SAMD5: variants seen among roughly 807,000 people sequenced by gnomAD.
The protein encoded by SAMD5 is sterile alpha motif domain-containing protein 5.
A neutral mutation model predicts 11.3 loss-of-function variants in SAMD5; 13 were observed. The observed-to-expected ratio is 1.15, with a 90% confidence interval of 0.75 to 1.83. The LOEUF (loss-of-function observed/expected upper bound fraction) is 1.83, where lower values mean the gene tolerates loss of function less well. Ranked by LOEUF, SAMD5 falls within the 40% of genes most tolerant of loss-of-function variation. The pLI, the probability that SAMD5 is intolerant of heterozygous loss-of-function variation, is 0.00. For synonymous variants in SAMD5, 129 were observed against 111.3 expected (o/e 1.16, Z -1.00); for missense variants, 255 against 239.1 (o/e 1.07, Z -0.44).
chr6:147,522,982 G>A (rs1788277278), intron 1 of SAMD5, among the ~76,000 whole-genome samples: 1 of 152,176 alleles, frequency 6.6e-6, no homozygotes, highest in East Asian at 1.9e-4. Context: ...TCACAGTAAA[G>A]AGGGGCTTTT....
chr6:147,882,566 G>C, the SAMD5 span, among the ~76,000 whole-genome samples: 2 of 152,122 alleles, frequency 1.3e-5, 1 homozygote, highest in African/African-American at 4.8e-5. Context: ...CTCTAACCTG[G>C]GCAACATAGC....
At chr6:147,891,552 A>C in the SAMD5 span, among the ~76,000 whole-genome samples, 2 of 152,132 alleles carry the variant, frequency 1.3e-5, no homozygotes, top group African/African-American at 4.8e-5. Flanking sequence ...GATGAGATTA[A>C]ATGTGTAAGA....
At chr6:147,933,383 C>A in the SAMD5 span, among the ~76,000 whole-genome samples, 1 of 152,256 alleles carries the variant, frequency 6.6e-6, no homozygotes, top group South Asian at 2.1e-4. Context: ...GAGAGACACC[C>A]AATTAAGGAA....
At chr6:147,816,291 A>ATATATATAT in the SAMD5 span, among the ~76,000 whole-genome samples, 2 of 92,454 alleles carry the variant, frequency 2.2e-5, no homozygotes, top group African/African-American at 1.1e-4. Flanking sequence ...CAAAAAAAAA[A>ATATATATAT]AAAAAAAAAA....
chr6:147,516,648 T>G (rs1406156463), intron 1 of SAMD5, among the ~76,000 whole-genome samples: 2 of 152,198 alleles, frequency 1.3e-5, no homozygotes, highest in African/African-American at 4.8e-5. Flanking sequence ...GTCAGGGTCT[T>G]TCACAAAAAC....
the SAMD5 span, among the ~76,000 whole-genome samples, chr6:147,745,522 C>A: frequency 4.0e-5 from 6 of 148,738 alleles, no homozygotes; most frequent in African/African-American, 1.6e-4. Context: ...CTTTGCTCTT[C>A]AGCAGTCTGT....
the SAMD5 span, among the ~76,000 whole-genome samples, chr6:147,937,309 G>T: frequency 3.3e-5 from 5 of 152,124 alleles, no homozygotes; most frequent in African/African-American, 1.2e-4. Flanking sequence ...GAATCATCCA[G>T]AGCTAAGGAA....
At chr6:147,516,332 T>A (rs1788170281) in intron 1 of SAMD5, among the ~76,000 whole-genome samples, 1 of 152,160 alleles carries the variant, frequency 6.6e-6, no homozygotes, top group Non-Finnish European at 1.5e-5. Flanking sequence ...AGAATGGTAC[T>A]GCTTTCTGCT....
chr6:147,526,993 C>G (rs1481540850), intron 1 of SAMD5, among the ~76,000 whole-genome samples: 1 of 152,158 alleles, frequency 6.6e-6, no homozygotes, highest in African/African-American at 2.4e-5. Flanking sequence ...ATTTCTTTCC[C>G]ATTCTCTCTT....
chr6:147,674,869 G>A (rs1266178206), intron 1 of SAMD5, among the ~76,000 whole-genome samples: 1 of 152,178 alleles, frequency 6.6e-6, no homozygotes, highest in East Asian at 1.9e-4. Flanking sequence ...CAGTTCTCAA[G>A]CTAGATTTTT....
At chr6:147,788,528 A>G in the SAMD5 span, among the ~76,000 whole-genome samples, 2 of 152,242 alleles carry the variant, frequency 1.3e-5, no homozygotes, top group Non-Finnish European at 2.9e-5. Context: ...ATAGAAACAC[A>G]TCTGTGCTTG....
At chr6:147,855,469 A>T in the SAMD5 span, among the ~76,000 whole-genome samples, 1 of 152,194 alleles carries the variant, frequency 6.6e-6, no homozygotes, top group Admixed American at 6.5e-5. Flanking sequence ...ACTTTCATGC[A>T]AACTGAAATT....
At chr6:147,880,672 G>A in the SAMD5 span, among the ~76,000 whole-genome samples, 1 of 152,112 alleles carries the variant, frequency 6.6e-6, no homozygotes, top group Admixed American at 6.5e-5. Context: ...CCTTCAGCTC[G>A]TGGGTGGTTT....
chr6:147,585,484 T>C lies in SAMD5; in HGVS notation c.162+76097T>C, dbSNP rs374906029. Among the ~76,000 whole-genome samples, 83 of 152,214 alleles carry C rather than the reference T, an allele frequency of 5.5e-4. 1 individual carries two copies. The highest frequency in any genetic ancestry group is 1.9e-3 in the African/African-American group (80 of 41,540). On this transcript the variant is annotated intron_variant, in intron 1 of 1. Coordinates refer to the SAMD5 transcript ENST00000566741. ...ACTGACTCTTACGAACTCTATGTAA[T>C]GGGCAAGAACTTAGTAATGGGAAGG... is the stretch of plus-strand genomic sequence containing the variant.
At chr6:147,845,086 A>C in the SAMD5 span, among the ~76,000 whole-genome samples, 1 of 152,324 alleles carries the variant, frequency 6.6e-6, no homozygotes, top group Admixed American at 6.5e-5. Context: ...GTATCAAGAC[A>C]TCACATTGTA....
intron 1 of SAMD5, among the ~76,000 whole-genome samples, chr6:147,586,106 A>C (rs1189153374): frequency 6.6e-6 from 1 of 152,154 alleles, no homozygotes; most frequent in Non-Finnish European, 1.5e-5. Flanking sequence ...GGTATCTGCC[A>C]GTCATCTGGG....
chr6:147,840,096 G>A, the SAMD5 span, among the ~76,000 whole-genome samples: 1 of 152,138 alleles, frequency 6.6e-6, no homozygotes, highest in Admixed American at 6.5e-5. Context: ...TTCATCAAAG[G>A]AAATGTCTGT....
At chr6:147,717,337 G>C (rs1244701609) in intron 1 of SAMD5, among the ~76,000 whole-genome samples, 1 of 152,188 alleles carries the variant, frequency 6.6e-6, no homozygotes, top group Non-Finnish European at 1.5e-5. Flanking sequence ...TCATTTCCCA[G>C]ATTGTATCCT....
chr6:147,574,674 G>T (rs946705493), downstream of SAMD5, among the ~76,000 whole-genome samples: 3 of 152,194 alleles, frequency 2.0e-5, no homozygotes, highest in Non-Finnish European at 4.4e-5. Flanking sequence ...AGGTTGGGTT[G>T]TCTGGTGAGG....
Sources: allele counts gnomAD v4.1 joint callset (sites outside exome capture counted in the v4.1 genomes callset), GRCh38; gene constraint gnomAD v4.1.1; transcripts MANE v1.5; gene names NCBI Gene and HGNC (gene_info 2026-07-23, HGNC 2026-07-21).